PCDHGB5: variants seen among roughly 807,000 people sequenced by gnomAD.
PCDHGB5 encodes protocadherin gamma-B5.
A neutral mutation model predicts 62.9 loss-of-function variants in PCDHGB5; 48 were observed. That is an observed-to-expected ratio of 0.76 (90% CI 0.61 to 0.97). The LOEUF is 0.97. Among genes scored for constraint, PCDHGB5 ranks in the 50% least tolerant of loss-of-function variants. PCDHGB5 has a pLI of 0.00. For synonymous variants in PCDHGB5, 474 were observed against 511.2 expected (o/e 0.93, Z 0.98); for missense variants, 1,118 against 1,198.6 (o/e 0.93, Z 0.99).
chr5:141,454,675 G>A (rs973403044), intron 1 of PCDHGB5, among the ~76,000 whole-genome samples: 8 of 151,764 alleles, frequency 5.3e-5, no homozygotes, highest in Non-Finnish European at 1.0e-4. Context: ...CAAAACACTG[G>A]GATTACAGGC....
At chr5:141,482,356 G>T (rs1330274684) in intron 1 of PCDHGB5, among the ~76,000 whole-genome samples, 1 of 152,236 alleles carries the variant, frequency 6.6e-6, no homozygotes, top group East Asian at 1.9e-4. Flanking sequence ...TGTTGTGAGA[G>T]TGAAAAGTAA....
At chr5:141,484,075 C>G (rs1397285710) in intron 1 of PCDHGB5, among the ~76,000 whole-genome samples, 2 of 152,084 alleles carry the variant, frequency 1.3e-5, no homozygotes, top group African/African-American at 4.8e-5. Context: ...AAAGCTTGCT[C>G]TTTTGAAATG....
At chr5:141,505,245 A>G (rs530515894) in intron 2 of PCDHGB5, 148 bp from the exon 3 acceptor site, 294 of 1,430,832 alleles carry the variant, frequency 2.1e-4, no homozygotes, top group Admixed American at 1.8e-3. Flanking sequence ...GAAGGATTGT[A>G]GAAGTGCCTC....
At chr5:141,460,088 A>C (rs1225262213) in intron 1 of PCDHGB5, among the ~76,000 whole-genome samples, 2 of 151,990 alleles carry the variant, frequency 1.3e-5, no homozygotes, top group Non-Finnish European at 2.9e-5. Flanking sequence ...AAAAATAATA[A>C]TTATACATGT....
chr5:141,441,700 T>TCAAG (rs1409793305), intron 1 of PCDHGB5: 1 of 308,660 alleles, frequency 3.2e-6, no homozygotes, highest in African/African-American at 2.3e-5. Context: ...CCGCGAGCCT[T>TCAAG]CAAGCTCACG....
chr5:141,432,378 C>A lies in PCDHGB5; in HGVS notation c.2397+31854C>A. On this transcript the variant is annotated intron_variant, in intron 1 of 3. Coordinates refer to ENST00000617380, the MANE Select transcript of PCDHGB5 (RefSeq NM_018925.3). This position sits in a 1 kb window ranked among gnomAD's most constrained non-coding sequence, Gnocchi z 6.0. ...GTGATGGCGCGGGACAACGGGCACC[C>A]GCCCCTCAGCAGCAACGTGTCGTTG... 6.2e-7 allele frequency: 1 copy of A among 1,614,234 alleles called. No individual in the cohort carries two copies. Among genetic ancestry groups the A allele is most frequent in the South Asian group, 1.1e-5 (1 of 91,082 alleles).
intron 1 of PCDHGB5, chr5:141,411,313 T>C (rs970801897): frequency 6.6e-5 from 10 of 152,224 alleles, no homozygotes; most frequent in African/African-American, 2.4e-4. Context: ...CTCACACCTA[T>C]AATCACAGCA....
At chr5:141,469,833 TTA>T (rs1343669772) in intron 1 of PCDHGB5, among the ~76,000 whole-genome samples, 2 of 152,054 alleles carry the variant, frequency 1.3e-5, no homozygotes, top group Non-Finnish European at 2.9e-5. Flanking sequence ...CACATAAAAC[TTA>T]TTCTTAAGAT....
rs560197175 is a variant in PCDHGB5, at chr5:141,434,430, G to A, written c.2397+33906G>A. Among the ~76,000 whole-genome samples the A allele has an allele frequency of 2.4e-4, 36 of 152,326 alleles. 1 individual carries two copies. In the South Asian group the frequency reaches 6.4e-3, roughly 27 times the overall value. On this transcript the variant is annotated intron_variant, in intron 1 of 3. Coordinates refer to ENST00000617380, the MANE Select transcript of PCDHGB5 (RefSeq NM_018925.3). ...GCACTGTGACATGTTCATGATGGCC[G>A]TAATGCCCATGCTGGAAGGTAGTGG...
At chr5:141,439,009 G>T (rs1474312524) in intron 1 of PCDHGB5, among the ~76,000 whole-genome samples, 1 of 151,594 alleles carries the variant, frequency 6.6e-6, no homozygotes, top group Non-Finnish European at 1.5e-5. Flanking sequence ...TGGTTTGTTT[G>T]TCAAATTTTG....
chr5:141,405,187 GGTTCGAGCTT>G (rs2094622612), intron 1 of PCDHGB5: 1 of 1,613,360 alleles, frequency 6.2e-7, no homozygotes, highest in African/African-American at 1.3e-5. Context: ...GTGTAGATGG[GGTTCGAGCTT>G]TCCTACAGAC....
chr5:141,453,869 G>A (rs887544235), intron 1 of PCDHGB5, among the ~76,000 whole-genome samples: 9 of 152,144 alleles, frequency 5.9e-5, no homozygotes, highest in Non-Finnish European at 1.2e-4. Context: ...TAACAGATGA[G>A]CAAAATAATG....
At position 141,431,645 on chromosome 5, in the gene PCDHGB5, T is replaced by G. The variant is rs2097404203; in HGVS notation, c.2397+31121T>G. ...GGCGGCCCAAGTTTTCAAACTAGAT[T>G]GTAATTCAGGGACAATATCAACAAT... On this transcript the variant is annotated intron_variant, in intron 1 of 3. Coordinates refer to ENST00000617380, the MANE Select transcript of PCDHGB5 (RefSeq NM_018925.3). This position sits in a 1 kb window ranked among gnomAD's most constrained non-coding sequence, Gnocchi z 4.8. The G allele has an allele frequency of 2.5e-6, 4 of 1,614,236 alleles. No homozygotes were observed. Among genetic ancestry groups the G allele is most frequent in the Non-Finnish European group, 3.4e-6 (4 of 1,180,044 alleles).
chr5:141,483,833 G>A (rs964111814), intron 1 of PCDHGB5, among the ~76,000 whole-genome samples: 1 of 152,116 alleles, frequency 6.6e-6, no homozygotes, highest in Admixed American at 6.5e-5. Flanking sequence ...CCTAGGTAAG[G>A]ACTTGGTTGA....
chr5:141,487,022 A>T lies in PCDHGB5; in HGVS notation c.2398-7785A>T. ...TCAGCTCCTGGAGGCCCCAGATCCC[A>T]GCCTGTTTGCAGTCTCTCGATATGC... On this transcript the variant is annotated intron_variant, in intron 1 of 3. Coordinates refer to ENST00000617380, the MANE Select transcript of PCDHGB5 (RefSeq NM_018925.3). The surrounding 1 kb of genome is among the most constrained non-coding windows in gnomAD (Gnocchi z 5.0). The T allele has an allele frequency of 1.2e-6, 2 of 1,614,212 alleles. No homozygotes were observed. Among genetic ancestry groups the T allele is most frequent in the Non-Finnish European group, 1.7e-6 (2 of 1,180,048 alleles).
chr5:141,476,317 G>C lies in PCDHGB5; in HGVS notation c.2398-18490G>C, dbSNP rs759809060. The C allele has an allele frequency of 1.2e-6, 2 of 1,614,052 alleles. No homozygotes were observed. The highest frequency in any genetic ancestry group is 2.7e-5 in the African/African-American group (2 of 74,922). ...GTAGCCTCTCAGCCCGCAGGTTCCGGGTGGTGTCTGGAGCTAGCCGAAGAT... is the reference window on the plus strand; with the variant it reads ...GTAGCCTCTCAGCCCGCAGGTTCCGCGTGGTGTCTGGAGCTAGCCGAAGAT... On this transcript the variant is annotated intron_variant, in intron 1 of 3. Coordinates refer to ENST00000617380, the MANE Select transcript of PCDHGB5 (RefSeq NM_018925.3). The surrounding 1 kb of genome is among the most constrained non-coding windows in gnomAD (Gnocchi z 7.6).
rs771106873 is a variant in PCDHGB5, at chr5:141,426,860, A to C, written c.2397+26336A>C. 5 of 456,702 alleles carry C rather than the reference A, an allele frequency of 1.1e-5. No individual in the cohort carries two copies. In the Admixed American group the frequency reaches 1.2e-4, roughly 11 times the overall value. The allele number at this position is 456,702 out of a possible 1,614,324, so 28.3% of individuals were successfully genotyped here. A position where few individuals can be genotyped will look rare whatever the true frequency, so the allele number is the denominator to read the frequency against. On this transcript the variant is annotated intron_variant, in intron 1 of 3. Transcript: ENST00000617380. ...CTAAAGGCAAGAACGCTCCAGAATT[A>C]GTGCTGGAGAAGCCCCTGGGCCAGG...
At position 141,486,190 on chromosome 5, in the gene PCDHGB5, T is replaced by A; in HGVS notation, c.2398-8617T>A. Reference sequence around the variant, plus strand: ...AGCAACATTGCAGCCTTCGAGTGGATCTGCTGGACGTAAATGACAATGCCC... The same window carrying A: ...AGCAACATTGCAGCCTTCGAGTGGAACTGCTGGACGTAAATGACAATGCCC... On this transcript the variant is annotated intron_variant, in intron 1 of 3. Transcript: ENST00000617380. The surrounding 1 kb of genome is among the most constrained non-coding windows in gnomAD (Gnocchi z 5.0). 1 of 1,614,122 alleles carries A rather than the reference T, an allele frequency of 6.2e-7. No individual in the cohort carries two copies. Among genetic ancestry groups the A allele is most frequent in the South Asian group, 1.1e-5 (1 of 91,070 alleles).
intron 1 of PCDHGB5, among the ~76,000 whole-genome samples, chr5:141,457,465 A>G (rs915755113): frequency 1.3e-5 from 2 of 152,194 alleles, no homozygotes; most frequent in African/African-American, 2.4e-5. Context: ...GATTCACAGG[A>G]ATAAGCAGGG....
Sources: gnomAD v4.1 joint callset for allele counts (sites outside exome capture counted in the v4.1 genomes callset) on GRCh38, gnomAD v4.1.1 for gene constraint, Gnocchi (gnomAD v3.1) non-coding constraint, MANE v1.5 for transcripts, NCBI Gene and HGNC (gene_info 2026-07-23, HGNC 2026-07-21) for gene names.